Variants in KDM2B observed in about 807,000 individuals in gnomAD.
The protein encoded by KDM2B is lysine demethylase 2B.
Under a neutral mutation model 150.0 loss-of-function variants are expected in KDM2B, and 26 were observed. The ratio of observed to expected loss-of-function variants is 0.17; its 90% CI spans 0.13 to 0.24. The LOEUF is 0.24. Ranked by LOEUF, KDM2B falls within the 10% of genes least tolerant of loss-of-function variation. The probability of loss-of-function intolerance (pLI) is 1.00; values close to 1 mark genes in which losing one functional copy is unlikely to be tolerated. For missense variants in KDM2B, 1,265 were observed against 1,816.9 expected, an observed-to-expected ratio of 0.70 and a Z score of 5.52; for synonymous variants, 734 against 729.5, an observed-to-expected ratio of 1.01 and a Z score of -0.10.
At chr12:121,514,476 G>A (rs1251975993) in intron 9 of KDM2B, among the ~76,000 whole-genome samples, 6 of 151,698 alleles carry the variant, frequency 4.0e-5, no homozygotes, top group African/African-American at 1.2e-4. Flanking sequence ...AGGAAACAAC[G>A]CCACTGATGG....
chr12:121,548,199 G>A (rs1377961167), intron 6 of KDM2B, among the ~76,000 whole-genome samples: 6 of 152,198 alleles, frequency 3.9e-5, no homozygotes, highest in South Asian at 2.1e-4. Context: ...CCCAGGAGGC[G>A]GAGGTTGCAG....
At chr12:121,496,836 G>A (rs1411165798) in intron 11 of KDM2B, among the ~76,000 whole-genome samples, 2 of 151,584 alleles carry the variant, frequency 1.3e-5, no homozygotes, top group Non-Finnish European at 1.5e-5. Context: ...TTGCAGGTGT[G>A]AGCCCCCCAA....
chr12:121,523,539 A>G (rs908546280), intron 8 of KDM2B, among the ~76,000 whole-genome samples: 2 of 152,164 alleles, frequency 1.3e-5, no homozygotes, highest in Admixed American at 1.3e-4. Flanking sequence ...TCTGTCCCCC[A>G]ATGAAACACG....
At position 121,537,973 on chromosome 12, in the gene KDM2B, C is replaced by A. The variant is rs539689871; in HGVS notation, c.684-3383G>T. Among the ~76,000 whole-genome samples the A allele has an allele frequency of 3.3e-4, 50 of 150,732 alleles. No individual in the cohort carries two copies. In the East Asian group the frequency reaches 9.2e-3, roughly 28 times the overall value. The stretch of plus-strand genomic sequence containing the variant: ...TTCGGCTCCCGGGCGTCCCCTTCGG[C>A]TGCGGAGGCTCGACGCGCGCCCGGC... On this transcript the variant is annotated intron_variant, in intron 6 of 22. Coordinates refer to ENST00000377071, the MANE Select transcript of KDM2B (RefSeq NM_032590.5). The surrounding 1 kb of genome is among the most constrained non-coding windows in gnomAD (Gnocchi z 8.7).
Position 121,430,148 on chromosome 12 carries a change from T to C in KDM2B, c.*140A>G. ...TCCCCCAAACGGGTGGTTGAACAGC[T>C]TCTCCCTTGGAAAGACTTGCAAAAT... is the stretch of plus-strand genomic sequence containing the variant. On this transcript the variant is annotated 3_prime_UTR_variant, in exon 23 of 23. Transcript: ENST00000377071. The surrounding 1 kb of genome is among the most constrained non-coding windows in gnomAD (Gnocchi z 4.4). 1 of 1,614,210 alleles carries C rather than the reference T, an allele frequency of 6.2e-7. No homozygotes were observed. The highest frequency in any genetic ancestry group is 8.5e-7 in the Non-Finnish European group (1 of 1,180,034).
intron 1 of KDM2B, chr12:121,580,335 T>C (rs1346563372): frequency 1.0e-5 from 10 of 966,760 alleles, no homozygotes; most frequent in African/African-American, 2.3e-5. Flanking sequence ...GCCGGGCTAT[T>C]TGGGGGGGCT....
At chr12:121,559,152 G>C (rs782229982) in intron 4 of KDM2B, among the ~76,000 whole-genome samples, 58 of 152,224 alleles carry the variant, frequency 3.8e-4, no homozygotes, top group Non-Finnish European at 6.3e-4. Context: ...TCAGACCAGG[G>C]AAGGGCTGTG....
At chr12:121,480,453 G>A (rs1881968325) in intron 12 of KDM2B, among the ~76,000 whole-genome samples, 1 of 151,828 alleles carries the variant, frequency 6.6e-6, no homozygotes, top group African/African-American at 2.4e-5. Context: ...AGAGAATTAA[G>A]AACAGGTTCA....
rs782450832 is a variant in KDM2B at position 121,496,493 on chromosome 12, CTT to C, written c.1648-1830_1648-1829del. Among the ~76,000 whole-genome samples, 685 of 121,438 alleles carry C rather than the reference CTT, an allele frequency of 5.6e-3. 6 individuals are homozygous for C. The highest frequency in any genetic ancestry group is 0.022 in the African/African-American group (657 of 29,230). The allele number at this position is 121,438 out of a possible 152,430, so 79.7% of individuals were successfully genotyped here. A position where few individuals can be genotyped will look rare whatever the true frequency, so the allele number is the denominator to read the frequency against. ...CTTCCAGTTTACTCTGCTCATTGTC[CTT>C]TTTTTTTTTTTTTTTTTTTGAGACA... On this transcript the variant is annotated intron_variant, in intron 11 of 22. Coordinates refer to ENST00000377071, the MANE Select transcript of KDM2B (RefSeq NM_032590.5).
chr12:121,417,368 T>C, the KDM2B span: 1 of 701,954 alleles, frequency 1.4e-6, no homozygotes, highest in East Asian at 2.7e-5. This position sits in a 1 kb window ranked among gnomAD's most constrained non-coding sequence, Gnocchi z 5.0. Context: ...AACATGAAAA[T>C]ACCTCTGGAA....
intron 12 of KDM2B, among the ~76,000 whole-genome samples, chr12:121,493,059 CTTTTTTTT>C (rs61628112): frequency 1.1e-4 from 6 of 54,080 alleles, no homozygotes; most frequent in Admixed American, 1.9e-4. Flanking sequence ...TCATGCCTGG[CTTTTTTTT>C]TTTTTTTTTT....
At position 121,539,248 on chromosome 12, in the gene KDM2B, G is replaced by A. The variant is rs1354879586; in HGVS notation, c.684-4658C>T. Among the ~76,000 whole-genome samples, 6 of 140,918 alleles carry A rather than the reference G, an allele frequency of 4.3e-5. No individual in the cohort carries two copies. In the South Asian group the frequency reaches 1.3e-3, roughly 31 times the overall value. The allele number at this position is 140,918 out of a possible 152,430, so 92.4% of individuals were successfully genotyped here. Reference sequence around the variant, plus strand: ...CCAGGGAGGCTGGGGTGGGAGGACTGCTTCACCTCACGAGGTCAAGGGTGA... The same window carrying A: ...CCAGGGAGGCTGGGGTGGGAGGACTACTTCACCTCACGAGGTCAAGGGTGA... On this transcript the variant is annotated intron_variant, in intron 6 of 22. Transcript: ENST00000377071.
chr12:121,580,114 G>T, intron 1 of KDM2B: 1 of 1,576,478 alleles, frequency 6.3e-7, no homozygotes, highest in Non-Finnish European at 8.5e-7. Context: ...TTGGCCGAGG[G>T]GGGAAGGAGG....
intron 11 of KDM2B, among the ~76,000 whole-genome samples, chr12:121,504,728 G>A (rs555994351): frequency 1.5e-4 from 23 of 152,100 alleles, no homozygotes; most frequent in Non-Finnish European, 2.9e-4. Flanking sequence ...TGGCCGGGGC[G>A]GTGGCTCATG....
At chr12:121,532,981 T>A in intron 7 of KDM2B, 22 bp from the exon 8 acceptor site, 1 of 1,613,446 alleles carries the variant, frequency 6.2e-7, no homozygotes, top group Non-Finnish European at 8.5e-7. Flanking sequence ...ACACAGGCAG[T>A]CAGCTGGAGA....
chr12:121,498,724 G>A (rs191851367), intron 11 of KDM2B, among the ~76,000 whole-genome samples: 1 of 152,258 alleles, frequency 6.6e-6, no homozygotes, highest in East Asian at 1.9e-4. Context: ...CATTGAGGTA[G>A]AGGCCTCTTT....
chr12:121,503,369 C>T (rs1404856888), intron 11 of KDM2B, among the ~76,000 whole-genome samples: 1 of 151,924 alleles, frequency 6.6e-6, no homozygotes, highest in Non-Finnish European at 1.5e-5. Context: ...CAGCTCACTG[C>T]AGCCTCAAAC....
intron 12 of KDM2B, chr12:121,469,915 A>AGT (rs1555295658): frequency 6.6e-6 from 1 of 152,072 alleles, no homozygotes; most frequent in East Asian, 1.9e-4. Flanking sequence ...TGGCCAACAG[A>AGT]GTGAAGCCCC....
At chr12:121,581,859 C>G (rs782127071), upstream of KDM2B, among the ~76,000 whole-genome samples, 4 of 152,146 alleles carry the variant, frequency 2.6e-5, no homozygotes, top group African/African-American at 4.8e-5. Context: ...ATTGGCCGTC[C>G]TAAGAGACAG....
Sources: allele counts gnomAD v4.1 joint callset (sites outside exome capture counted in the v4.1 genomes callset), GRCh38; gene constraint gnomAD v4.1.1; non-coding constraint Gnocchi (gnomAD v3.1); transcripts MANE v1.5; gene names NCBI Gene and HGNC (gene_info 2026-07-23, HGNC 2026-07-21).